Variants in SYT14 observed in about 807,000 individuals in gnomAD.
The protein encoded by SYT14 is synaptotagmin-14.
A neutral mutation model predicts 74.2 loss-of-function variants in SYT14; 32 were observed. That is an observed-to-expected ratio of 0.43 (90% CI 0.33 to 0.58). SYT14 has a LOEUF of 0.58. SYT14 is among the 20% of genes least tolerant of loss of function. The probability of loss-of-function intolerance (pLI) is 0.05; values close to 1 mark genes in which losing one functional copy is unlikely to be tolerated. For missense variants in SYT14, 791 were observed against 981.8 expected, an observed-to-expected ratio of 0.81 and a Z score of 2.60; for synonymous variants, 298 against 337.7, an observed-to-expected ratio of 0.88 and a Z score of 1.29.
chr1:209,964,685 G>A (rs1475012296), intron 2 of SYT14, among the ~76,000 whole-genome samples: 3 of 152,064 alleles, frequency 2.0e-5, no homozygotes, highest in Non-Finnish European at 4.4e-5. Context: ...GTCACACAGA[G>A]CACACTTCCT....
chr1:209,958,511 A>C (rs1020317093), intron 2 of SYT14, among the ~76,000 whole-genome samples: 6 of 152,016 alleles, frequency 3.9e-5, no homozygotes, highest in Admixed American at 6.6e-5. Flanking sequence ...GAGATTTCTT[A>C]TTCTTGAACA....
At chr1:209,978,149 A>G (rs545786927) in intron 2 of SYT14, among the ~76,000 whole-genome samples, 27 of 152,230 alleles carry the variant, frequency 1.8e-4, no homozygotes, top group Admixed American at 1.5e-3. Context: ...CATGGGTTCA[A>G]ACTTTCTCCT....
At chr1:210,039,282 T>G (rs1239045889) in intron 5 of SYT14, among the ~76,000 whole-genome samples, 1 of 152,062 alleles carries the variant, frequency 6.6e-6, no homozygotes, top group Non-Finnish European at 1.5e-5. Flanking sequence ...GGTGAGACAC[T>G]GCTGTCTAGC....
intron 2 of SYT14, among the ~76,000 whole-genome samples, chr1:209,986,217 A>G (rs1297296309): frequency 6.6e-6 from 1 of 152,152 alleles, no homozygotes; most frequent in African/African-American, 2.4e-5. Context: ...TTTAAATGTA[A>G]GTTCCTATGT....
chr1:210,169,035 T>TC lies in SYT14; in HGVS notation c.*7996dup, dbSNP rs567399444. 15 of 152,214 alleles carry TC rather than the reference T, an allele frequency of 9.9e-5. No individual in the cohort carries two copies. In the East Asian group the frequency reaches 2.7e-3, roughly 27 times the overall value. The allele number at this position is 152,214 out of a possible 1,614,324, so 9.4% of individuals were successfully genotyped here. ...GTCATATTCTCTCCTTTTGGTGTCCTCCCTTCTCCCTCTAGCTTGCACATT... is the reference window on the plus strand; with the variant it reads ...GTCATATTCTCTCCTTTTGGTGTCCTCCCCTTCTCCCTCTAGCTTGCACATT... On this transcript the variant is annotated 3_prime_UTR_variant, in exon 10 of 10. Transcript: ENST00000637265.
At chr1:210,112,363 T>C (rs1156256063) in intron 7 of SYT14, among the ~76,000 whole-genome samples, 1 of 151,284 alleles carries the variant, frequency 6.6e-6, no homozygotes, top group Non-Finnish European at 1.5e-5. Context: ...ATTTCCACGA[T>C]GGAAAGGAAA....
At chr1:209,966,028 C>T (rs546029884) in intron 2 of SYT14, 3 of 421,724 alleles carry the variant, frequency 7.1e-6, no homozygotes, top group African/African-American at 6.2e-5. Flanking sequence ...GTGCCCACCA[C>T]ACCCAGCTAA....
At chr1:210,092,158 T>C (rs190102837) in intron 5 of SYT14, among the ~76,000 whole-genome samples, 37 of 152,334 alleles carry the variant, frequency 2.4e-4, no homozygotes, top group African/African-American at 8.7e-4. Context: ...CCAACTATTA[T>C]AGTTTTTTTT....
At chr1:209,989,124 A>T (rs1207197208) in intron 2 of SYT14, among the ~76,000 whole-genome samples, 2 of 151,938 alleles carry the variant, frequency 1.3e-5, no homozygotes, top group East Asian at 3.9e-4. Flanking sequence ...CTTGAGTGCC[A>T]TTGTTTCATA....
At chr1:210,097,562 A>G (rs1339601726) in intron 6 of SYT14, among the ~76,000 whole-genome samples, 1 of 152,170 alleles carries the variant, frequency 6.6e-6, no homozygotes, top group Non-Finnish European at 1.5e-5. Flanking sequence ...AGTAAAATTC[A>G]AAAATAGCTA....
chr1:210,120,376 T>TTTG (rs1553282495), intron 7 of SYT14, among the ~76,000 whole-genome samples: 65 of 150,696 alleles, frequency 4.3e-4, no homozygotes, highest in African/African-American at 1.5e-3. Context: ...TTTTTTTTTT[T>TTTG]TTTGTTTGAG....
At chr1:210,094,661 T>G (rs973248122) in intron 6 of SYT14, 68 bp downstream of exon 5, 2 of 1,533,178 alleles carry the variant, frequency 1.3e-6, no homozygotes, top group African/African-American at 2.7e-5. Context: ...GTGCTTCTCC[T>G]CTTGGTAAGA....
chr1:210,055,839 T>G (rs996969092), intron 5 of SYT14, among the ~76,000 whole-genome samples: 1 of 152,090 alleles, frequency 6.6e-6, no homozygotes, highest in Non-Finnish European at 1.5e-5. Context: ...TTATTGGTTA[T>G]ATATCAACTA....
At chr1:210,049,634 C>A (rs759133896) in intron 5 of SYT14, among the ~76,000 whole-genome samples, 1 of 152,054 alleles carries the variant, frequency 6.6e-6, no homozygotes, top group African/African-American at 2.4e-5. Flanking sequence ...CTCCCTGTGC[C>A]CATATGTTCT....
At position 209,984,458 on chromosome 1, in the gene SYT14, C is replaced by G. The variant is rs11119381; in HGVS notation, c.-485-29175C>G. On this transcript the variant is annotated intron_variant, in intron 2 of 9. Transcript: ENST00000637265. ...TGGAGGTACATACCCTTGAAGCTTCCTTCTCCCTCATTTTCTGTGATGTCA... is the reference window on the plus strand; with the variant it reads ...TGGAGGTACATACCCTTGAAGCTTCGTTCTCCCTCATTTTCTGTGATGTCA... Among the ~76,000 whole-genome samples the G allele has an allele frequency of 5.5e-3, 833 of 151,966 alleles. 4 individuals are homozygous for G. The highest frequency in any genetic ancestry group is 0.019 in the African/African-American group (770 of 41,426).
chr1:209,947,853 A>G (rs945146239), intron 1 of SYT14, among the ~76,000 whole-genome samples: 3 of 152,210 alleles, frequency 2.0e-5, no homozygotes, highest in Non-Finnish European at 4.4e-5. Context: ...AGAAATTGCC[A>G]CAGCCACCCC....
chr1:210,135,927 C>G (rs2082776047), intron 7 of SYT14, among the ~76,000 whole-genome samples: 2 of 152,150 alleles, frequency 1.3e-5, no homozygotes, highest in Admixed American at 1.3e-4. Context: ...ATTCTCAGGC[C>G]TATGTGAGTT....
At chr1:210,016,516 T>C in exon 4 of SYT14, 2 of 1,232,006 alleles carry the variant, frequency 1.6e-6, no homozygotes, top group Non-Finnish European at 2.0e-6. Flanking sequence ...TTGAAAGTAC[T>C]GACAGATGTA....
intron 7 of SYT14, among the ~76,000 whole-genome samples, chr1:210,144,691 A>G (rs1200945045): frequency 6.6e-6 from 1 of 152,114 alleles, no homozygotes; most frequent in East Asian, 1.9e-4. Context: ...GGGCTGTTAT[A>G]TTAATAATTT....
Sources: allele counts gnomAD v4.1 joint callset (sites outside exome capture counted in the v4.1 genomes callset), GRCh38; gene constraint gnomAD v4.1.1; transcripts MANE v1.5; gene names NCBI Gene and HGNC (gene_info 2026-07-23, HGNC 2026-07-21).